CMTM8: variants seen among roughly 807,000 people sequenced by gnomAD.
The protein encoded by CMTM8 is CKLF-like MARVEL transmembrane domain-containing protein 8.
Under a neutral mutation model 18.6 loss-of-function variants are expected in CMTM8, and 12 were observed. That is an observed-to-expected ratio of 0.65 (90% CI 0.41 to 1.05). The LOEUF (loss-of-function observed/expected upper bound fraction) is 1.05. Among genes scored for constraint, CMTM8 ranks in the 50% least tolerant of loss-of-function variants. The probability of loss-of-function intolerance (pLI) is 0.00; values close to 1 mark genes in which losing one functional copy is unlikely to be tolerated. For missense variants in CMTM8, 217 were observed against 227.2 expected, an observed-to-expected ratio of 0.95 and a Z score of 0.29; for synonymous variants, 87 against 90.6, an observed-to-expected ratio of 0.96 and a Z score of 0.23.
At chr3:32,271,864 TA>T (rs961676008) in intron 1 of CMTM8, among the ~76,000 whole-genome samples, 15 of 152,326 alleles carry the variant, frequency 9.8e-5, no homozygotes, top group African/African-American at 3.6e-4. Flanking sequence ...CTAAATCAGG[TA>T]AAATTCTTCA....
Position 32,245,661 on chromosome 3 carries a change from T to C in CMTM8, c.147+6542T>C, listed in dbSNP as rs371718225. ...TATTTACTGTCTTGAGCAAACTTAG[T>C]TGGGGAAGGATAAATAGGGTTTACT... On this transcript the variant is annotated intron_variant, in intron 1 of 3. Transcript: ENST00000307526. Among the ~76,000 whole-genome samples, 28 of 152,286 alleles carry C rather than the reference T, an allele frequency of 1.8e-4. No homozygotes were observed. The South Asian group carries it at 5.8e-3, about 32-fold the overall frequency.
At chr3:32,298,941 GTA>G (rs1163701245) in intron 1 of CMTM8, among the ~76,000 whole-genome samples, 20 of 125,010 alleles carry the variant, frequency 1.6e-4, no homozygotes, top group East Asian at 5.5e-4. Context: ...ATATATATAT[GTA>G]TATATATATA....
At chr3:32,337,326 A>G (rs1211631491) in intron 1 of CMTM8, among the ~76,000 whole-genome samples, 1 of 152,212 alleles carries the variant, frequency 6.6e-6, no homozygotes, top group African/African-American at 2.4e-5. Flanking sequence ...GACCACAGAC[A>G]ACACCAGCCA....
intron 1 of CMTM8, among the ~76,000 whole-genome samples, chr3:32,343,060 C>T (rs1041965003): frequency 4.6e-5 from 7 of 152,044 alleles, no homozygotes; most frequent in Admixed American, 1.3e-4. Context: ...GTCACCTCAG[C>T]GAGAGAGGAA....
chr3:32,278,749 T>A lies in CMTM8; in HGVS notation c.147+39630T>A, dbSNP rs181217372. Among the ~76,000 whole-genome samples the A allele has an allele frequency of 4.6e-5, 7 of 152,358 alleles. No homozygotes were observed. In the East Asian group the frequency reaches 1.3e-3, roughly 29 times the overall value. On this transcript the variant is annotated intron_variant, in intron 1 of 3. Transcript: ENST00000307526. ...ACCTTTTAGTTTACTTACCTTTATA[T>A]ACTTGATGCCCAGAACAGCACTGGG...
intron 1 of CMTM8, among the ~76,000 whole-genome samples, chr3:32,251,900 G>C (rs989536832): frequency 1.3e-5 from 2 of 151,790 alleles, no homozygotes; most frequent in East Asian, 3.9e-4. Flanking sequence ...GACTAGTCTG[G>C]GCAACATGAT....
At chr3:32,326,289 A>G (rs964063906) in intron 1 of CMTM8, among the ~76,000 whole-genome samples, 3 of 152,300 alleles carry the variant, frequency 2.0e-5, no homozygotes, top group South Asian at 2.1e-4. Context: ...CTCTAGTTCT[A>G]TCACTGCCTG....
rs189961321 is a variant in CMTM8 at position 32,300,518 on chromosome 3, A to G, written c.148-56855A>G. Among the ~76,000 whole-genome samples, 29 of 152,322 alleles carry G rather than the reference A, an allele frequency of 1.9e-4. No homozygotes were observed. The East Asian group carries it at 4.8e-3, about 25-fold the overall frequency. On this transcript the variant is annotated intron_variant, in intron 1 of 3. Transcript: ENST00000307526. ...AAAGGGGGAATGAGGCTGAGAGGCA[A>G]GCAGGACAAGGTCAGAGAAAAACTG...
chr3:32,245,086 T>G (rs1235480069), intron 1 of CMTM8, among the ~76,000 whole-genome samples: 1 of 152,232 alleles, frequency 6.6e-6, no homozygotes, highest in Non-Finnish European at 1.5e-5. Context: ...GTTTCTTGGA[T>G]GTCATGAAAT....
chr3:32,283,814 T>G (rs890528219), intron 1 of CMTM8, among the ~76,000 whole-genome samples: 4 of 152,160 alleles, frequency 2.6e-5, no homozygotes, highest in Non-Finnish European at 5.9e-5. Context: ...GTGCTCGTAG[T>G]TTATGGCCAG....
chr3:32,264,483 G>A (rs1177914957), intron 1 of CMTM8, among the ~76,000 whole-genome samples: 1 of 152,168 alleles, frequency 6.6e-6, no homozygotes, highest in Non-Finnish European at 1.5e-5. Context: ...ACCCGTACCA[G>A]CCACTGCAAA....
intron 1 of CMTM8, chr3:32,259,677 A>G (rs1415884292): frequency 7.7e-5 from 93 of 1,213,992 alleles, no homozygotes; most frequent in Non-Finnish European, 4.8e-6. Flanking sequence ...GACCTTGCCA[A>G]GATCATGGCA....
intron 1 of CMTM8, among the ~76,000 whole-genome samples, chr3:32,348,378 C>G (rs1696641587): frequency 1.3e-5 from 2 of 152,054 alleles, no homozygotes; most frequent in African/African-American, 4.8e-5. Context: ...TGATTTGGGT[C>G]TATTTCATCC....
chr3:32,285,058 G>A (rs1425366305), intron 1 of CMTM8, among the ~76,000 whole-genome samples: 1 of 152,176 alleles, frequency 6.6e-6, no homozygotes, highest in African/African-American at 2.4e-5. Flanking sequence ...AAGAGCAAAT[G>A]GAAATTCCTC....
At chr3:32,331,322 T>G (rs960991247) in intron 1 of CMTM8, among the ~76,000 whole-genome samples, 6 of 152,118 alleles carry the variant, frequency 3.9e-5, no homozygotes, top group African/African-American at 1.4e-4. Flanking sequence ...ATAACAAGTA[T>G]TGACAAGAAT....
chr3:32,340,490 A>G (rs955260777), intron 1 of CMTM8, among the ~76,000 whole-genome samples: 6 of 152,236 alleles, frequency 3.9e-5, no homozygotes, highest in Non-Finnish European at 5.9e-5. Flanking sequence ...GGCTTGATAT[A>G]TTTAATAACC....
chr3:32,251,274 G>A (rs1166488357), intron 1 of CMTM8, among the ~76,000 whole-genome samples: 2 of 152,100 alleles, frequency 1.3e-5, no homozygotes, highest in Non-Finnish European at 2.9e-5. Flanking sequence ...CATTAAAGTT[G>A]AACATTTTAA....
intron 1 of CMTM8, among the ~76,000 whole-genome samples, chr3:32,279,929 G>A (rs1331999749): frequency 1.3e-5 from 2 of 151,392 alleles, no homozygotes; most frequent in East Asian, 3.9e-4. Context: ...CTGATGGCCA[G>A]TGATGATGAG....
intron 1 of CMTM8, among the ~76,000 whole-genome samples, chr3:32,314,983 C>T (rs1695892611): frequency 6.6e-6 from 1 of 152,074 alleles, no homozygotes; most frequent in African/African-American, 2.4e-5. Context: ...AAATTCCCAT[C>T]ACAGTTGTCC....
Sources: gnomAD v4.1 joint callset for allele counts (sites outside exome capture counted in the v4.1 genomes callset) on GRCh38, gnomAD v4.1.1 for gene constraint, MANE v1.5 for transcripts, NCBI Gene and HGNC (gene_info 2026-07-23, HGNC 2026-07-21) for gene names.